Variants in EYS observed in about 807,000 individuals in gnomAD.
The protein encoded by EYS is protein eyes shut homolog.
A neutral mutation model predicts 282.1 loss-of-function variants in EYS; 250 were observed. The observed-to-expected ratio is 0.89, with a 90% CI of 0.80 to 0.98. EYS has a LOEUF of 0.98. Among genes scored for constraint, EYS ranks in the 50% least tolerant of loss-of-function variants. The pLI is 0.00. For missense variants in EYS, 4,016 were observed against 3,709.0 expected (o/e 1.08, Z -2.15); for synonymous variants, 1,355 against 1,282.9 (o/e 1.06, Z -1.20).
At chr6:64,668,543 C>CTTTTTTT (rs35765768) in intron 22 of EYS, among the ~76,000 whole-genome samples, 3 of 76,154 alleles carry the variant, frequency 3.9e-5, no homozygotes, top group African/African-American at 5.1e-5. Context: ...TACCACAATT[C>CTTTTTTT]TTTTTTTTTT....
intron 29 of EYS, among the ~76,000 whole-genome samples, chr6:64,353,086 C>T (rs189031137): frequency 4.0e-5 from 6 of 151,472 alleles, no homozygotes; most frequent in Non-Finnish European, 7.4e-5. Context: ...CCCCTACACA[C>T]ACAAAATAAT....
intron 29 of EYS, among the ~76,000 whole-genome samples, chr6:64,329,876 T>A (rs648766): frequency 3.9e-5 from 6 of 151,996 alleles, no homozygotes; most frequent in Admixed American, 6.5e-5. Flanking sequence ...TTCCTGCTGA[T>A]GGTGCTTGGT....
At chr6:64,877,770 T>C (rs920586792) in intron 19 of EYS, among the ~76,000 whole-genome samples, 19 of 152,006 alleles carry the variant, frequency 1.2e-4, no homozygotes, top group Non-Finnish European at 2.5e-4. Context: ...TTCAAAATTC[T>C]TTTTTTTAAA....
At position 64,664,869 on chromosome 6, in the gene EYS, G is replaced by A. The variant is rs544966425; in HGVS notation, c.3444-38624C>T. Among the ~76,000 whole-genome samples the A allele has an allele frequency of 1.4e-4, 21 of 152,214 alleles. No homozygotes were observed. The South Asian group carries it at 2.7e-3, about 20-fold the overall frequency. On this transcript the variant is annotated intron_variant, in intron 22 of 42. Transcript: ENST00000503581. ...AATAAATTTTTGTTGTTTACAAGCC[G>A]TCCAGTTTAAGGTGTTTTATATAGC...
At chr6:65,443,695 T>C (rs886255248) in intron 5 of EYS, among the ~76,000 whole-genome samples, 1 of 122,880 alleles carries the variant, frequency 8.1e-6, no homozygotes, top group Admixed American at 9.2e-5. Flanking sequence ...TACACATATA[T>C]ACACATATGT....
intron 2 of EYS, among the ~76,000 whole-genome samples, chr6:65,514,287 A>T (rs903110685): frequency 1.7e-4 from 26 of 152,316 alleles, no homozygotes; most frequent in African/African-American, 5.8e-4. Flanking sequence ...ATGAAATAAA[A>T]GAGGATACAA....
intron 2 of EYS, among the ~76,000 whole-genome samples, chr6:65,630,285 G>A (rs1766865191): frequency 6.6e-6 from 1 of 152,182 alleles, no homozygotes; most frequent in Admixed American, 6.5e-5. Context: ...ACTTCATTTA[G>A]AGACTATCAC....
At chr6:65,706,526 C>T (rs1361482819) in intron 1 of EYS, among the ~76,000 whole-genome samples, 3 of 151,760 alleles carry the variant, frequency 2.0e-5, no homozygotes, top group Admixed American at 6.6e-5. Flanking sequence ...TAAATAATCA[C>T]ACTACAGCTG....
At chr6:64,020,660 G>T (rs1769145050) in intron 33 of EYS, among the ~76,000 whole-genome samples, 1 of 151,980 alleles carries the variant, frequency 6.6e-6, no homozygotes, top group South Asian at 2.1e-4. Context: ...TGATTTTTGG[G>T]GATGGATTAT....
chr6:63,999,777 A>T (rs1475636033), intron 33 of EYS, among the ~76,000 whole-genome samples: 1 of 152,230 alleles, frequency 6.6e-6, no homozygotes, highest in Non-Finnish European at 1.5e-5. Context: ...GAATAGCAAA[A>T]ATGGTGAATA....
chr6:64,556,312 T>C (rs1765230751), intron 26 of EYS, among the ~76,000 whole-genome samples: 1 of 151,984 alleles, frequency 6.6e-6, no homozygotes. Flanking sequence ...ATGAATGAAC[T>C]ATGGGTACAT....
chr6:64,230,375 T>C (rs933509330), intron 31 of EYS, among the ~76,000 whole-genome samples: 17 of 152,206 alleles, frequency 1.1e-4, no homozygotes, highest in African/African-American at 4.1e-4. Context: ...TGGAAATATA[T>C]GTTGAATGGC....
intron 5 of EYS, among the ~76,000 whole-genome samples, chr6:65,443,072 T>C (rs116438300): frequency 0.029 from 3,158 of 108,088 alleles, 164 homozygotes; most frequent in Middle Eastern, 0.097. Context: ...ATGTGATATG[T>C]ATGTGTCTAT....
At chr6:64,292,730 C>T (rs556555551) in intron 30 of EYS, among the ~76,000 whole-genome samples, 3 of 152,114 alleles carry the variant, frequency 2.0e-5, no homozygotes, top group Admixed American at 6.5e-5. Context: ...AAAGGGACTA[C>T]GTTGACTTTT....
chr6:65,363,658 C>T (rs1011346337), intron 8 of EYS, among the ~76,000 whole-genome samples: 15 of 151,512 alleles, frequency 9.9e-5, no homozygotes, highest in Non-Finnish European at 1.6e-4. Flanking sequence ...TGATAATTGA[C>T]GATTTAACTC....
chr6:64,669,642 T>C (rs956910374), intron 22 of EYS, among the ~76,000 whole-genome samples: 2 of 152,246 alleles, frequency 1.3e-5, no homozygotes, highest in Non-Finnish European at 2.9e-5. Context: ...TGCAAATCTC[T>C]GCAGAGCCTT....
At chr6:64,543,928 CTCTAA>C (rs1375710483) in intron 26 of EYS, among the ~76,000 whole-genome samples, 18 of 152,306 alleles carry the variant, frequency 1.2e-4, no homozygotes, top group African/African-American at 4.3e-4. Context: ...ATATGCCCTG[CTCTAA>C]AATGCTACAT....
At chr6:64,317,852 A>G (rs886994756) in intron 29 of EYS, among the ~76,000 whole-genome samples, 54 of 152,170 alleles carry the variant, frequency 3.5e-4, no homozygotes, top group Non-Finnish European at 1.9e-4. Flanking sequence ...TGCAGCCATG[A>G]AAAACATGAA....
chr6:64,790,482 G>A (rs547627395), intron 22 of EYS, among the ~76,000 whole-genome samples: 10 of 151,866 alleles, frequency 6.6e-5, no homozygotes, highest in African/African-American at 1.7e-4. Context: ...CACCCGATAA[G>A]ATACAGAAAA....
Sources: allele counts gnomAD v4.1 joint callset (sites outside exome capture counted in the v4.1 genomes callset), GRCh38; gene constraint gnomAD v4.1.1; transcripts MANE v1.5; gene names NCBI Gene and HGNC (gene_info 2026-07-23, HGNC 2026-07-21).